The following FBN3 variants were observed in gnomAD, a reference collection of about 807,000 sequenced individuals.
FBN3 encodes the protein fibrillin-3.
FBN3 carries 234 observed loss-of-function variants against 330.1 expected under a neutral mutation model. The ratio of observed to expected loss-of-function variants is 0.71; its 90% CI spans 0.64 to 0.79. The LOEUF is 0.79. FBN3 is among the 30% of genes least tolerant of loss of function. The pLI, the probability that FBN3 is intolerant of heterozygous loss-of-function variation, is 0.00. For missense variants in FBN3, 3,606 were observed against 3,886.9 expected (o/e 0.93, Z 1.92); for synonymous variants, 1,458 against 1,517.3 (o/e 0.96, Z 0.91).
In FBN3 at chr19:8,072,714, G is replaced by A. The variant is rs545211713; in HGVS notation, c.7937+349C>T. 8.8e-4 allele frequency among the ~76,000 whole-genome samples: 104 copies of A among 118,348 alleles called. No homozygotes were observed. The Middle Eastern group carries it at 0.019, about 21-fold the overall frequency. 77.6% of individuals were successfully genotyped at this position (118,348 alleles called of 152,430 possible). On this transcript the variant is annotated intron_variant, in intron 62 of 63. Coordinates refer to ENST00000600128, the MANE Select transcript of FBN3 (RefSeq NM_032447.5). ...AGCCTGAGTGCACACTGGGACATGC[G>A]CGCGTGCACACACACACACACACAC...
rs74256529 is a variant in FBN3 at position 8,067,669 on chromosome 19, G to A, written c.8089-1409C>T. ...TTATTAGGCACCTACTGAATTCCTG[G>A]CAATCTTTGAGGCACTGGGGATTTA... On this transcript the variant is annotated intron_variant, in intron 63 of 63. Coordinates refer to ENST00000600128, the MANE Select transcript of FBN3 (RefSeq NM_032447.5). 9.3e-4 allele frequency among the ~76,000 whole-genome samples: 141 copies of A among 152,192 alleles called. 1 individual carries two copies. The East Asian group carries it at 0.024, about 26-fold the overall frequency.
intron 4 of FBN3, 79 bp from the exon 5 acceptor site, chr19:8,146,017 G>C: frequency 1.4e-6 from 2 of 1,480,580 alleles, no homozygotes; most frequent in Middle Eastern, 3.4e-4. Flanking sequence ...GCAGGACTAG[G>C]CATGCTCAGC....
At chr19:8,104,726 GT>G (rs2082401210) in intron 38 of FBN3, among the ~76,000 whole-genome samples, 1 of 152,076 alleles carries the variant, frequency 6.6e-6, no homozygotes, top group Non-Finnish European at 1.5e-5. Flanking sequence ...GAACATTTTG[GT>G]TTTGCGGGCC....
At chr19:8,104,922 C>CT (rs1424023809) in intron 38 of FBN3, among the ~76,000 whole-genome samples, 8 of 136,426 alleles carry the variant, frequency 5.9e-5, no homozygotes, top group Non-Finnish European at 1.2e-4. Context: ...TTCTTTCTTT[C>CT]TTCTCTTTCT....
At position 8,116,553 on chromosome 19, in the gene FBN3, C is replaced by A. The variant is rs150135557; in HGVS notation, c.3712+121G>T. On this transcript the variant is annotated intron_variant, in intron 29 of 63. Transcript: ENST00000600128. ...TTACAAAGCCTCATCTTCCTACCTG[C>A]GAATGGCAGGGGTGGGGCCTGGCAT... The A allele has an allele frequency of 2.4e-5, 25 of 1,049,554 alleles. 1 individual carries two copies. The East Asian group carries it at 6.0e-4, about 25-fold the overall frequency. 65.0% of individuals were successfully genotyped at this position (1,049,554 alleles called of 1,614,324 possible). A position where few individuals can be genotyped will look rare whatever the true frequency, so the allele number is the denominator to read the frequency against.
Position 8,111,670 on chromosome 19 carries a change from G to A in FBN3, c.4062C>T (p.Ala1354=), listed in dbSNP as rs377291105. ...CACCTTCGCAGAAGAAGCCATCCCC[G>A]GCAAAGCCCTGGCGGCAGGTGCAGC... ...SYRCTCRQGF[A]GDGFFCEDRD... is the part of the protein sequence containing the mutation. Residue 1354 remains alanine, a synonymous_variant, in exon 32 of 64, where the codon GCC becomes GCT. Transcript: ENST00000600128. The A allele has an allele frequency of 2.3e-5, 31 of 1,344,676 alleles. No homozygotes were observed. Among genetic ancestry groups the A allele is most frequent in the African/African-American group, 1.4e-4 (8 of 57,896 alleles). 83.3% of individuals were successfully genotyped at this position (1,344,676 alleles called of 1,614,324 possible).
intron 62 of FBN3, 91 bp downstream of exon 62, chr19:8,072,972 T>TGTGC (rs2145363282): frequency 2.4e-6 from 1 of 409,250 alleles, no homozygotes; most frequent in Non-Finnish European, 4.3e-6. Context: ...GCCCCGTGTG[T>TGTGC]GTGTGTGTGT....
chr19:8,085,055 C>T (rs2081904766), intron 56 of FBN3, among the ~76,000 whole-genome samples: 1 of 152,108 alleles, frequency 6.6e-6, no homozygotes, highest in Non-Finnish European at 1.5e-5. Flanking sequence ...GCAGAGGTTG[C>T]AGTGAGCTGA....
chr19:8,114,173 C>G (rs2082656261), intron 30 of FBN3, among the ~76,000 whole-genome samples: 1 of 152,084 alleles, frequency 6.6e-6, no homozygotes, highest in Admixed American at 6.6e-5. Context: ...GGTACTAACC[C>G]TGTAGACACC....
chr19:8,082,802 T>G (rs2081837113), intron 57 of FBN3, among the ~76,000 whole-genome samples: 1 of 151,760 alleles, frequency 6.6e-6, no homozygotes, highest in African/African-American at 2.4e-5. Context: ...CCTGTTTTTT[T>G]TTTTCTTTCT....
intron 30 of FBN3, among the ~76,000 whole-genome samples, chr19:8,112,680 G>A (rs2082618197): frequency 6.6e-6 from 1 of 152,108 alleles, no homozygotes; most frequent in Non-Finnish European, 1.5e-5. Flanking sequence ...AAATAAAAAA[G>A]TGACTGTCCG....
chr19:8,123,404 T>A (rs918215504), intron 24 of FBN3, 60 bp downstream of exon 24: 8 of 1,568,406 alleles, frequency 5.1e-6, no homozygotes, highest in Admixed American at 1.8e-5. Flanking sequence ...TACGTCTTAT[T>A]TGAGGCCCCT....
chr19:8,086,981 C>T, intron 54 of FBN3, 96 bp downstream of exon 54: 4 of 1,443,220 alleles, frequency 2.8e-6, no homozygotes, highest in Non-Finnish European at 2.8e-6. Context: ...GCTGGGATGA[C>T]AGGTATGAGT....
intron 56 of FBN3, among the ~76,000 whole-genome samples, chr19:8,083,805 C>CTTTTCTTTTT (rs766533055): frequency 0.15 from 19,441 of 133,122 alleles, 1,971 homozygotes; most frequent in Non-Finnish European, 0.22. Context: ...ACTATTTTTT[C>CTTTTCTTTTT]TTTTTTTTTT....
At position 8,109,760 on chromosome 19, in the gene FBN3, G is replaced by C. The variant is rs750471115; in HGVS notation, c.4334-7C>G. On this transcript the variant is annotated splice_polypyrimidine_tract_variant and splice_region_variant and intron_variant, in intron 34 of 63. Coordinates refer to ENST00000600128, the MANE Select transcript of FBN3 (RefSeq NM_032447.5). The surrounding 1 kb of genome is among the most constrained non-coding windows in gnomAD (Gnocchi z 5.2). ...TCTGCACACTCGTTGATGTCTGTAG[G>C]GAGGAAGCGCGGTCCTCAGCAGGGA... 3 of 1,488,344 alleles carry C rather than the reference G, an allele frequency of 2.0e-6. No individual in the cohort carries two copies. The highest frequency in any genetic ancestry group is 2.7e-6 in the Non-Finnish European group (3 of 1,118,326). The allele number at this position is 1,488,344 out of a possible 1,614,324, so 92.2% of individuals were successfully genotyped here.
intron 13 of FBN3, among the ~76,000 whole-genome samples, chr19:8,134,167 G>A (rs373125674): frequency 6.6e-5 from 10 of 152,058 alleles, no homozygotes; most frequent in East Asian, 1.9e-4. Context: ...ATGTGAACCC[G>A]GGAGGTGGAG....
Position 8,109,485 on chromosome 19 carries a change from A to T in FBN3, c.4457-97T>A. The T allele has an allele frequency of 6.5e-7, 1 of 1,546,738 alleles. No homozygotes were observed. The highest frequency in any genetic ancestry group is 1.2e-5 in the South Asian group (1 of 83,994). On this transcript the variant is annotated intron_variant, in intron 35 of 63. Coordinates refer to ENST00000600128, the MANE Select transcript of FBN3 (RefSeq NM_032447.5). The surrounding 1 kb of genome is among the most constrained non-coding windows in gnomAD (Gnocchi z 5.2). ...TCTATTTCAACAGGTGACAAGGACAACCACTCTTGCAGGAGACCAGCAGAT... is the reference window on the plus strand; with the variant it reads ...TCTATTTCAACAGGTGACAAGGACATCCACTCTTGCAGGAGACCAGCAGAT...
Position 8,106,232 on chromosome 19 carries a change from G to A in FBN3, c.4689C>T (p.Asp1563=). 1 of 1,614,172 alleles carries A rather than the reference G, an allele frequency of 6.2e-7. No homozygotes were observed. The highest frequency in any genetic ancestry group is 1.3e-5 in the African/African-American group (1 of 75,052). The change falls in exon 38 of 64, where the codon GAC becomes GAT. Residue 1563 remains aspartate (D), a splice_region_variant and synonymous_variant. Transcript: ENST00000600128. Reference sequence around the variant, plus strand: ...CTGGCAGCTCTTGGCACTCGTCGATGTCTGTCAGGAAGTAAGGAAGCCAAG... The same window carrying A: ...CTGGCAGCTCTTGGCACTCGTCGATATCTGTCAGGAAGTAAGGAAGCCAAG... The part of the protein sequence containing the change: ...QPNRITVILE[D]IDECQELPGL...
chr19:8,113,828 A>C (rs932971180), intron 30 of FBN3, among the ~76,000 whole-genome samples: 2 of 134,756 alleles, frequency 1.5e-5, no homozygotes, highest in African/African-American at 5.7e-5. Flanking sequence ...GACATAGTAA[A>C]ACACTATCTC....
Sources: allele counts gnomAD v4.1 joint callset (sites outside exome capture counted in the v4.1 genomes callset), GRCh38; gene constraint gnomAD v4.1.1; non-coding constraint Gnocchi (gnomAD v3.1); transcripts MANE v1.5; gene names NCBI Gene and HGNC (gene_info 2026-07-23, HGNC 2026-07-21).